Variants in FAM222B observed in about 807,000 individuals in gnomAD.
The protein encoded by FAM222B is family with sequence similarity 222 member B.
A neutral mutation model predicts 38.0 loss-of-function variants in FAM222B; 12 were observed. The observed-to-expected ratio is 0.32, with a 90% CI of 0.20 to 0.51. The LOEUF (loss-of-function observed/expected upper bound fraction) is 0.51. Among genes scored for constraint, FAM222B ranks in the 20% least tolerant of loss-of-function variants. The pLI is 0.97. For synonymous variants in FAM222B, 329 were observed against 317.2 expected, an observed-to-expected ratio of 1.04 and a Z score of -0.40; for missense variants, 716 against 754.2, an observed-to-expected ratio of 0.95 and a Z score of 0.59.
At chr17:28,843,037 G>C (rs1052310701), upstream of FAM222B, among the ~76,000 whole-genome samples, 1 of 152,150 alleles carries the variant, frequency 6.6e-6, no homozygotes, top group Non-Finnish European at 1.5e-5. Flanking sequence ...CTTCCCCAAG[G>C]AGCCACAGAC....
chr17:28,765,384 T>G (rs896072893), intron 2 of FAM222B, among the ~76,000 whole-genome samples: 10 of 152,198 alleles, frequency 6.6e-5, no homozygotes, highest in African/African-American at 2.4e-4. Context: ...TGCCCTACAA[T>G]GCCAGAGTTG....
chr17:28,765,289 G>A (rs574025011), intron 2 of FAM222B, among the ~76,000 whole-genome samples: 10 of 152,302 alleles, frequency 6.6e-5, no homozygotes, highest in East Asian at 3.9e-4. Flanking sequence ...GACAGCCTGC[G>A]TGCCTGGTCC....
At chr17:28,834,827 A>C (rs1445300054) in intron 1 of FAM222B, 1 of 150,976 alleles carries the variant, frequency 6.6e-6, no homozygotes, top group Non-Finnish European at 1.5e-5. Context: ...CCTTAAAAAA[A>C]AAGAAAAAAA....
At chr17:28,773,024 C>A (rs1284399737) in intron 1 of FAM222B, among the ~76,000 whole-genome samples, 1 of 152,096 alleles carries the variant, frequency 6.6e-6, no homozygotes, top group Non-Finnish European at 1.5e-5. Context: ...TTGGTTTGGG[C>A]AGGAAGGAGT....
intron 1 of FAM222B, among the ~76,000 whole-genome samples, chr17:28,801,451 CAAAAAAAAA>C (rs766189732): frequency 2.2e-5 from 2 of 90,326 alleles, no homozygotes; most frequent in African/African-American, 8.6e-5. Context: ...GACTCCGTCT[CAAAAAAAAA>C]AAAAAAAAAA....
rs966908668 is a variant in FAM222B at position 28,758,428 on chromosome 17, T to C, written c.1531A>G (p.Met511Val). 4 of 1,613,930 alleles carry C rather than the reference T, an allele frequency of 2.5e-6. No individual in the cohort carries two copies. Among genetic ancestry groups the C allele is most frequent in the Non-Finnish European group, 3.4e-6 (4 of 1,179,866 alleles). Residue 511 changes from methionine (M) to valine (V), a missense_variant, in exon 3 of 3, where the codon ATG becomes GTG. Transcript: ENST00000581407. Reference sequence around the variant, plus strand: ...CCACTTAGGTAATCCACTGTTTGCATCAAGCTGTTCTGGCTTGCCACTGGA... The same window carrying C: ...CCACTTAGGTAATCCACTGTTTGCACCAAGCTGTTCTGGCTTGCCACTGGA... ...GGPVASQNSL[M>V]QTVDYLSGDF...
intron 1 of FAM222B, among the ~76,000 whole-genome samples, chr17:28,810,563 CAG>C (rs1209144001): frequency 6.6e-6 from 1 of 152,150 alleles, no homozygotes; most frequent in Non-Finnish European, 1.5e-5. Flanking sequence ...AGGCTTCAAT[CAG>C]TGATTTTTAA....
At chr17:28,831,355 C>G (rs912133374) in intron 1 of FAM222B, among the ~76,000 whole-genome samples, 1 of 152,002 alleles carries the variant, frequency 6.6e-6, no homozygotes, top group Non-Finnish European at 1.5e-5. Flanking sequence ...TCTGCCAATA[C>G]CACACTGTCT....
At chr17:28,802,680 A>C (rs2037294238) in intron 1 of FAM222B, 1 of 177,448 alleles carries the variant, frequency 5.6e-6, no homozygotes, top group South Asian at 1.4e-4. Flanking sequence ...GGAATAAGGA[A>C]TGTCTCACAC....
At chr17:28,797,448 C>T (rs1330497305) in intron 1 of FAM222B, among the ~76,000 whole-genome samples, 1 of 152,034 alleles carries the variant, frequency 6.6e-6, no homozygotes, top group Non-Finnish European at 1.5e-5. Flanking sequence ...TTTAAGTGAA[C>T]ATAAAGAACA....
chr17:28,802,704 G>A (rs2037295539), intron 1 of FAM222B: 1 of 167,454 alleles, frequency 6.0e-6, no homozygotes, highest in Admixed American at 6.1e-5. Flanking sequence ...GTATCCCTGC[G>A]TGGTTGTCCA....
chr17:28,833,386 G>A (rs911135019), intron 1 of FAM222B, among the ~76,000 whole-genome samples: 5 of 151,732 alleles, frequency 3.3e-5, no homozygotes, highest in African/African-American at 1.2e-4. Flanking sequence ...GGAGGCCGAA[G>A]CAGGTGCATC....
At chr17:28,850,019 G>A (rs760045444) in intron 1 of FAM222B, among the ~76,000 whole-genome samples, 2 of 152,052 alleles carry the variant, frequency 1.3e-5, no homozygotes, top group Non-Finnish European at 2.9e-5. Context: ...AGGAGGCAGA[G>A]GTTGCAGTGA....
intron 1 of FAM222B, among the ~76,000 whole-genome samples, chr17:28,771,006 A>T (rs12948165): frequency 0.2 from 29,824 of 148,704 alleles, 3,067 homozygotes; most frequent in South Asian, 0.3. Flanking sequence ...ATATATATAT[A>T]TTTTTTCTTT....
At chr17:28,822,643 A>T (rs1222624197) in intron 1 of FAM222B, among the ~76,000 whole-genome samples, 4 of 146,694 alleles carry the variant, frequency 2.7e-5, no homozygotes, top group African/African-American at 1.0e-4. Context: ...TAATAATAAT[A>T]ATACAAAATT....
At position 28,773,792 on chromosome 17, in the gene FAM222B, T is replaced by C. The variant is rs549072932; in HGVS notation, c.-40-7085A>G. ...CAGCCTGGGCGACACAGCGAGCCTC[T>C]GTCTCAAAAAAAAAAAAAGAATTCT... On this transcript the variant is annotated intron_variant, in intron 1 of 2. Coordinates refer to ENST00000581407, the MANE Select transcript of FAM222B (RefSeq NM_001077498.3). Among the ~76,000 whole-genome samples the C allele has an allele frequency of 2.6e-4, 40 of 151,124 alleles. No individual in the cohort carries two copies. The South Asian group carries it at 8.1e-3, about 31-fold the overall frequency.
At chr17:28,825,176 A>G (rs2038392559) in intron 1 of FAM222B, among the ~76,000 whole-genome samples, 1 of 151,784 alleles carries the variant, frequency 6.6e-6, no homozygotes, top group South Asian at 2.1e-4. Context: ...CTCACGCCTG[A>G]AATCCCAGCA....
rs553147697 is a variant in FAM222B at position 28,835,132 on chromosome 17, A to G, written c.-41+7550T>C. Reference sequence around the variant, plus strand: ...GTGATCTCAGCTCACTGCAACTTTCACCTCCCGGGTTCAAGCAATTCTCAA... The same window carrying G: ...GTGATCTCAGCTCACTGCAACTTTCGCCTCCCGGGTTCAAGCAATTCTCAA... On this transcript the variant is annotated intron_variant, in intron 1 of 2. Coordinates refer to ENST00000581407, the MANE Select transcript of FAM222B (RefSeq NM_001077498.3). Among the ~76,000 whole-genome samples, 6 of 150,378 alleles carry G rather than the reference A, an allele frequency of 4.0e-5. No homozygotes were observed. In the South Asian group the frequency reaches 6.3e-4, roughly 16 times the overall value.
intron 1 of FAM222B, among the ~76,000 whole-genome samples, chr17:28,796,876 T>G (rs538267406): frequency 1.3e-5 from 2 of 152,004 alleles, no homozygotes; most frequent in Admixed American, 1.3e-4. Context: ...CTGAAAACCA[T>G]GGGGAGATAG....
Sources: allele counts gnomAD v4.1 joint callset (sites outside exome capture counted in the v4.1 genomes callset), GRCh38; gene constraint gnomAD v4.1.1; transcripts MANE v1.5; gene names NCBI Gene and HGNC (gene_info 2026-07-23, HGNC 2026-07-21).